The following ARHGAP11A variants were observed in gnomAD, a reference collection of about 807,000 sequenced individuals.
The protein encoded by ARHGAP11A is rho GTPase-activating protein 11A.
A neutral mutation model predicts 60.5 loss-of-function variants in ARHGAP11A; 36 were observed. The observed-to-expected ratio is 0.59, with a 90% CI of 0.46 to 0.79. The LOEUF (loss-of-function observed/expected upper bound fraction) is 0.79, where lower values mean the gene tolerates loss of function less well. Among genes scored for constraint, ARHGAP11A ranks in the 30% least tolerant of loss-of-function variants. The probability of loss-of-function intolerance (pLI) is 0.00; values close to 1 mark genes in which losing one functional copy is unlikely to be tolerated. For missense variants in ARHGAP11A, 1,071 were observed against 1,199.2 expected, an observed-to-expected ratio of 0.89 and a Z score of 1.58; for synonymous variants, 362 against 415.5, an observed-to-expected ratio of 0.87 and a Z score of 1.57.
chr15:32,624,628 G>C (rs1210145082), intron 4 of ARHGAP11A, among the ~76,000 whole-genome samples: 2 of 152,156 alleles, frequency 1.3e-5, no homozygotes, highest in Admixed American at 1.3e-4. Context: ...TCATCATCAT[G>C]AATGCCTTAA....
At chr15:32,633,398 A>G (rs1595774120) in intron 9 of ARHGAP11A, among the ~76,000 whole-genome samples, 1 of 152,008 alleles carries the variant, frequency 6.6e-6, no homozygotes. Flanking sequence ...CCTAGCACTT[A>G]GGGAGGCTGA....
chr15:32,628,095 C>T (rs377158771), intron 6 of ARHGAP11A, among the ~76,000 whole-genome samples: 18 of 152,204 alleles, frequency 1.2e-4, no homozygotes, highest in African/African-American at 3.9e-4. Context: ...CAGGTGTGAG[C>T]CACTGCACCT....
chr15:32,636,262 G>A lies in ARHGAP11A; in HGVS notation c.1489G>A (p.Glu497Lys). 1 of 1,595,022 alleles carries A rather than the reference G, an allele frequency of 6.3e-7. No homozygotes were observed. The highest frequency in any genetic ancestry group is 8.5e-7 in the Non-Finnish European group (1 of 1,173,172). Residue 497 changes from glutamate to lysine, a missense_variant, in exon 12 of 12, where the codon GAA becomes AAA. By Grantham distance (56) the Glu-to-Lys change is moderately conservative. Transcript: ENST00000361627. ...VDEKLPKKGS[E>K]KISKSEETLL... is the part of the protein sequence containing the mutation. ...ACTGAACTGCTTTATTTTAGGTTCA[G>A]AAAAGATCAGTAAGTCTGAGGAAAC...
Position 32,625,584 on chromosome 15 carries a change from A to G in ARHGAP11A, c.813A>G (p.Glu271=). 3 of 1,613,964 alleles carry G rather than the reference A, an allele frequency of 1.9e-6. No homozygotes were observed. The highest frequency in any genetic ancestry group is 2.5e-6 in the Non-Finnish European group (3 of 1,179,838). The change falls in exon 6 of 12, where the codon GAA becomes GAG. Residue 271 remains glutamate, a synonymous_variant. Coordinates refer to ENST00000361627, the MANE Select transcript of ARHGAP11A (RefSeq NM_014783.6). The part of the protein sequence containing the change: ...TPSLEGFEEG[E]YETPGEYKRK... The stretch of plus-strand genomic sequence containing the variant: ...CACTGGAAGGCTTTGAAGAAGGTGA[A>G]TATGAAACTCCTGGTGAATATAAGA...
Position 32,616,134 on chromosome 15 carries a change from T to C in ARHGAP11A, c.-78T>C, listed in dbSNP as rs1438076214. 6.6e-7 allele frequency: 1 copy of C among 1,522,420 alleles called. No homozygotes were observed. Among genetic ancestry groups the C allele is most frequent in the Non-Finnish European group, 8.8e-7 (1 of 1,134,736 alleles). 94.3% of individuals were successfully genotyped at this position (1,522,420 alleles called of 1,614,324 possible). ...CGAGCGGAGTTCAAATTTGAGAGCG[T>C]TTGGAAATTGGAAGACTTGGTGGCG... On this transcript the variant is annotated 5_prime_UTR_variant, in exon 1 of 12. Coordinates refer to ENST00000361627, the MANE Select transcript of ARHGAP11A (RefSeq NM_014783.6).
At chr15:32,616,836 A>G (rs1234436811) in intron 1 of ARHGAP11A, among the ~76,000 whole-genome samples, 2 of 152,236 alleles carry the variant, frequency 1.3e-5, no homozygotes, top group African/African-American at 2.4e-5. Context: ...TGCATTTTCT[A>G]CATGAATCTG....
intron 6 of ARHGAP11A, among the ~76,000 whole-genome samples, chr15:32,626,461 T>A (rs979474433): frequency 5.3e-5 from 8 of 152,160 alleles, no homozygotes; most frequent in Non-Finnish European, 8.8e-5. Context: ...GGAAATTTAT[T>A]ATCTTTTGAA....
At chr15:32,625,395 A>G (rs1007886506) in intron 5 of ARHGAP11A, 92 bp from the exon 6 acceptor site, 3 of 1,518,470 alleles carry the variant, frequency 2.0e-6, no homozygotes, top group South Asian at 2.7e-5. Context: ...AAAGAAAAAA[A>G]GAAAAGAAAT....
chr15:32,632,811 G>C (rs2053614655), intron 8 of ARHGAP11A, 168 bp from the exon 9 acceptor site: 2 of 551,776 alleles, frequency 3.6e-6, no homozygotes, highest in Non-Finnish European at 6.0e-6. Flanking sequence ...CTTTTTCTTA[G>C]CTGAGTTGGG....
rs766749265 is a variant in ARHGAP11A at position 32,633,942 on chromosome 15, AG to A, written c.1247del (p.Gly416GlufsTer22). On this transcript the variant is annotated frameshift_variant, in exon 10 of 12. Coordinates refer to ENST00000361627, the MANE Select transcript of ARHGAP11A (RefSeq NM_014783.6). LOFTEE classifies it high-confidence loss of function. The part of the protein sequence containing the change: ...AGKKVCRVES[G>X]KAGCFSPKIS... ...ATTCCACTTCTTCTAGAGTGGAATC[AG>A]GAAAAGCAGGCTGCTTTTCTCCTAA... 8 of 1,596,134 alleles carry A rather than the reference AG, an allele frequency of 5.0e-6. No individual in the cohort carries two copies. Among genetic ancestry groups the A allele is most frequent in the Non-Finnish European group, 6.8e-6 (8 of 1,173,208 alleles).
chr15:32,627,610 T>C (rs1425884091), intron 6 of ARHGAP11A, among the ~76,000 whole-genome samples: 1 of 151,924 alleles, frequency 6.6e-6, no homozygotes, highest in Non-Finnish European at 1.5e-5. Flanking sequence ...GCGCCTGTAG[T>C]CCCAGCTACT....
Position 32,637,043 on chromosome 15 carries a change from A to G in ARHGAP11A, c.2270A>G (p.Asp757Gly), listed in dbSNP as rs189559276. 4 of 1,613,998 alleles carry G rather than the reference A, an allele frequency of 2.5e-6. No individual in the cohort carries two copies. The highest frequency in any genetic ancestry group is 2.2e-5 in the East Asian group (1 of 44,888). ...CCGAAGTGTGCAGCACATAGCAAGG[A>G]CGAGGCTAGATCCTCTTTCTCACAG... ...NLPKCAAHSKDEARSSFSQQS... is the reference protein window; with the variant it reads ...NLPKCAAHSKGEARSSFSQQS... Residue 757 changes from aspartate to glycine, a missense_variant, in exon 12 of 12, where the codon GAC becomes GGC. Transcript: ENST00000361627.
intron 1 of ARHGAP11A, among the ~76,000 whole-genome samples, chr15:32,618,664 G>A (rs993724164): frequency 1.6e-4 from 25 of 152,130 alleles, no homozygotes; most frequent in African/African-American, 6.0e-4. Flanking sequence ...TTGTGTGTGC[G>A]ATGGCTCACG....
chr15:32,634,211 A>G (rs1379283583), intron 10 of ARHGAP11A, among the ~76,000 whole-genome samples, 170 bp downstream of exon 10: 1 of 152,218 alleles, frequency 6.6e-6, no homozygotes. Flanking sequence ...TGGAGTACCC[A>G]AAGCTTAGTC....
At position 32,625,612 on chromosome 15, in the gene ARHGAP11A, A is replaced by G. The variant is rs370215647; in HGVS notation, c.841A>G (p.Lys281Glu). The change falls in exon 6 of 12, where the codon AAG becomes GAG. Residue 281 changes from lysine to glutamate, a missense_variant. By Grantham distance (56) the Lys-to-Glu change is moderately conservative. Coordinates refer to ENST00000361627, the MANE Select transcript of ARHGAP11A (RefSeq NM_014783.6). ...TGAAACTCCTGGTGAATATAAGAGA[A>G]AGAGAAGACAAAGTGTAGGAGGTAA... ...EYETPGEYKR[K>E]RRQSVGDFVS... The G allele has an allele frequency of 1.6e-5, 26 of 1,613,856 alleles. No homozygotes were observed. The Admixed American group carries it at 2.3e-4, about 14-fold the overall frequency.
At chr15:32,634,684 A>G (rs1223001924) in intron 10 of ARHGAP11A, among the ~76,000 whole-genome samples, 3 of 152,216 alleles carry the variant, frequency 2.0e-5, no homozygotes, top group African/African-American at 7.2e-5. Flanking sequence ...TGCTGCTGCT[A>G]TGCCCTGCAC....
Position 32,637,798 on chromosome 15 carries a change from A to G in ARHGAP11A, c.3025A>G (p.Ile1009Val), listed in dbSNP as rs2053760854. ...GTACAAAGGTTCTCCAAAACATCCTATCGGAAAAACTCAATTACTACCAAC... is the reference window on the plus strand; with the variant it reads ...GTACAAAGGTTCTCCAAAACATCCTGTCGGAAAAACTCAATTACTACCAAC... ...AWYKGSPKHP[I>V]GKTQLLPTSK... Residue 1009 changes from isoleucine (I) to valine (V), a missense_variant, in exon 12 of 12, where the codon ATC becomes GTC. This residue lies in a region of ARHGAP11A where 776 missense variants were observed against 760.2 expected (regional missense o/e 1.02). Coordinates refer to ENST00000361627, the MANE Select transcript of ARHGAP11A (RefSeq NM_014783.6). 6.2e-7 allele frequency: 1 copy of G among 1,606,982 alleles called. No homozygotes were observed. The highest frequency in any genetic ancestry group is 1.3e-5 in the African/African-American group (1 of 74,364).
chr15:32,623,593 G>C lies in ARHGAP11A; in HGVS notation c.297+5G>C. On this transcript the variant is annotated splice_donor_5th_base_variant and intron_variant, in intron 3 of 11. Coordinates refer to ENST00000361627, the MANE Select transcript of ARHGAP11A (RefSeq NM_014783.6). ...ATTCGCCTAAAAGCACTAAAGGTGAGCATATTGTTGAACTATTAATTTTTC... is the reference window on the plus strand; with the variant it reads ...ATTCGCCTAAAAGCACTAAAGGTGACCATATTGTTGAACTATTAATTTTTC... The C allele has an allele frequency of 1.2e-6, 2 of 1,607,394 alleles. No individual in the cohort carries two copies. Among genetic ancestry groups the C allele is most frequent in the Non-Finnish European group, 1.7e-6 (2 of 1,177,808 alleles).
rs199731166 is a variant in ARHGAP11A, at chr15:32,621,945, TC to T, written c.201-1546del. The stretch of plus-strand genomic sequence containing the variant: ...CATTTGGGCTACTATAGACCAATAA[TC>T]TAGGTTTTAATTGACATGTCATCCA... On this transcript the variant is annotated intron_variant, in intron 2 of 11. Coordinates refer to ENST00000361627, the MANE Select transcript of ARHGAP11A (RefSeq NM_014783.6). Among the ~76,000 whole-genome samples the T allele has an allele frequency of 2.0e-4, 30 of 152,410 alleles. No homozygotes were observed. The East Asian group carries it at 5.8e-3, about 29-fold the overall frequency.
Sources: gnomAD v4.1 joint callset for allele counts (sites outside exome capture counted in the v4.1 genomes callset) on GRCh38, gnomAD v4.1.1 for gene constraint, gnomAD v4.1.1 regional missense constraint, MANE v1.5 for transcripts, NCBI Gene and HGNC (gene_info 2026-07-23, HGNC 2026-07-21) for gene names.